Variants in CLDN10 observed in about 807,000 individuals in gnomAD.
CLDN10 encodes the protein claudin-10.
CLDN10 carries 15 observed loss-of-function variants against 22.9 expected under a neutral mutation model. The observed-to-expected ratio is 0.65, with a 90% CI of 0.44 to 1.01. The LOEUF is 1.01. CLDN10 is among the 50% of genes least tolerant of loss of function. The pLI is 0.00. For missense variants in CLDN10, 247 were observed against 287.8 expected (o/e 0.86, Z 1.03); for synonymous variants, 114 against 111.4 (o/e 1.02, Z -0.15).
At chr13:95,519,138 A>T (rs999385464) in intron 1 of CLDN10, among the ~76,000 whole-genome samples, 16 of 152,228 alleles carry the variant, frequency 1.1e-4, no homozygotes, top group African/African-American at 3.6e-4. Flanking sequence ...GGCACATCAT[A>T]CAAGTTCATT....
chr13:95,503,598 G>A (rs529899603), intron 1 of CLDN10, among the ~76,000 whole-genome samples: 3 of 152,332 alleles, frequency 2.0e-5, no homozygotes, highest in South Asian at 2.1e-4. Context: ...CCAAGTGTCC[G>A]TGGGTGGATG....
intron 3 of CLDN10, among the ~76,000 whole-genome samples, chr13:95,572,146 G>GA (rs1416072106): frequency 6.6e-6 from 1 of 152,068 alleles, no homozygotes; most frequent in Non-Finnish European, 1.5e-5. Context: ...TGTGCCGGAA[G>GA]AAAAGGCAGC....
chr13:95,546,041 T>C (rs1490572226), intron 1 of CLDN10, among the ~76,000 whole-genome samples: 1 of 152,220 alleles, frequency 6.6e-6, no homozygotes, highest in African/African-American at 2.4e-5. Flanking sequence ...AACAGCATAT[T>C]ATTGAACTTC....
chr13:95,519,455 G>A (rs1447865801), intron 1 of CLDN10, among the ~76,000 whole-genome samples: 1 of 152,224 alleles, frequency 6.6e-6, no homozygotes, highest in Admixed American at 6.5e-5. Flanking sequence ...AATTGGTATG[G>A]AAGTGTTAGC....
intron 1 of CLDN10, among the ~76,000 whole-genome samples, chr13:95,558,357 T>C (rs2043664048): frequency 6.6e-6 from 1 of 152,214 alleles, no homozygotes; most frequent in Admixed American, 6.5e-5. Flanking sequence ...GAGACCCAGA[T>C]AGCCCTGCAG....
intron 1 of CLDN10, among the ~76,000 whole-genome samples, chr13:95,489,197 C>T (rs2042842401): frequency 6.6e-6 from 1 of 151,972 alleles, no homozygotes; most frequent in South Asian, 2.1e-4. Context: ...GATCCACCTG[C>T]CTTGGCCTCC....
chr13:95,471,410 C>CATAT (rs1161502752), intron 1 of CLDN10, among the ~76,000 whole-genome samples: 5 of 127,912 alleles, frequency 3.9e-5, no homozygotes, highest in African/African-American at 1.6e-4. Context: ...TATATACACA[C>CATAT]ACACATATAC....
At chr13:95,514,117 G>T (rs2043136171) in intron 1 of CLDN10, among the ~76,000 whole-genome samples, 1 of 152,158 alleles carries the variant, frequency 6.6e-6, no homozygotes, top group African/African-American at 2.4e-5. Flanking sequence ...AATTAGCCAG[G>T]CATGGTGGTG....
intron 1 of CLDN10, chr13:95,497,235 T>G (rs1302269135): frequency 1.3e-5 from 2 of 152,174 alleles, no homozygotes; most frequent in Admixed American, 6.6e-5. Flanking sequence ...TGAATGAAAC[T>G]TATTATGTGG....
At chr13:95,495,222 T>G (rs1440166341) in intron 1 of CLDN10, among the ~76,000 whole-genome samples, 1 of 151,588 alleles carries the variant, frequency 6.6e-6, no homozygotes, top group Non-Finnish European at 1.5e-5. Flanking sequence ...TTTTTTGTAG[T>G]GACGGGGTTT....
intron 1 of CLDN10, among the ~76,000 whole-genome samples, chr13:95,477,457 C>A (rs940748882): frequency 6.6e-6 from 1 of 152,064 alleles, no homozygotes; most frequent in African/African-American, 2.4e-5. Flanking sequence ...ATTTGAAAAG[C>A]ATATCACCCG....
intron 3 of CLDN10, among the ~76,000 whole-genome samples, chr13:95,576,016 T>C (rs2043919615): frequency 1.3e-5 from 2 of 152,158 alleles, no homozygotes; most frequent in Admixed American, 6.5e-5. Context: ...CCCACCCTAT[T>C]ACACCACCCT....
chr13:95,512,690 C>T (rs1027095743), intron 1 of CLDN10, among the ~76,000 whole-genome samples: 6 of 152,168 alleles, frequency 3.9e-5, no homozygotes, highest in Admixed American at 3.3e-4. Context: ...ACCTCCACCA[C>T]GCTGGCCATG....
intron 1 of CLDN10, among the ~76,000 whole-genome samples, chr13:95,490,399 AGT>A (rs1385657196): frequency 6.6e-6 from 1 of 152,130 alleles, no homozygotes. Context: ...TTCTTTCAGC[AGT>A]GTTTTGTAGT....
intron 1 of CLDN10, among the ~76,000 whole-genome samples, chr13:95,526,817 A>AATAAATAT (rs1566318263): frequency 7.1e-6 from 1 of 141,554 alleles, no homozygotes; most frequent in African/African-American, 2.7e-5. Flanking sequence ...TAAATAAATA[A>AATAAATAT]ATAAACATGG....
At chr13:95,524,568 T>G (rs1450267209) in intron 1 of CLDN10, among the ~76,000 whole-genome samples, 3 of 152,204 alleles carry the variant, frequency 2.0e-5, no homozygotes, top group Admixed American at 1.3e-4. Flanking sequence ...TTATAGAAAT[T>G]TAGGTTATTT....
intron 1 of CLDN10, among the ~76,000 whole-genome samples, chr13:95,540,669 G>T (rs1000998854): frequency 6.6e-6 from 1 of 152,178 alleles, no homozygotes; most frequent in Non-Finnish European, 1.5e-5. Context: ...TGGGAAATGA[G>T]AAGTGATGTT....
chr13:95,434,147 C>A, intron 1 of CLDN10: 1 of 1,032,222 alleles, frequency 9.7e-7, no homozygotes, highest in Non-Finnish European at 1.5e-6. Context: ...TCTCTGAAGA[C>A]TGAGTGCTTA....
intron 1 of CLDN10, among the ~76,000 whole-genome samples, chr13:95,536,794 G>C (rs1399801573): frequency 4.6e-5 from 1 of 21,588 alleles, no homozygotes; most frequent in African/African-American, 9.7e-5. Context: ...AAAACTGCAT[G>C]CCTTTTTAAA....
Sources: allele counts gnomAD v4.1 joint callset (sites outside exome capture counted in the v4.1 genomes callset), GRCh38; gene constraint gnomAD v4.1.1; transcripts MANE v1.5; gene names NCBI Gene and HGNC (gene_info 2026-07-23, HGNC 2026-07-21).